Variants in CNTNAP2 observed in about 807,000 individuals in gnomAD.
CNTNAP2 encodes contactin-associated protein-like 2.
A neutral mutation model predicts 155.2 loss-of-function variants in CNTNAP2; 98 were observed. The observed-to-expected ratio is 0.63, with a 90% CI of 0.54 to 0.75. CNTNAP2 has a LOEUF of 0.75. Among genes scored for constraint, CNTNAP2 ranks in the 30% least tolerant of loss-of-function variants. The pLI is 0.00. For synonymous variants in CNTNAP2, 651 were observed against 631.2 expected (o/e 1.03, Z -0.47); for missense variants, 1,727 against 1,688.1 (o/e 1.02, Z -0.40).
intron 10 of CNTNAP2, among the ~76,000 whole-genome samples, chr7:147,457,222 GT>G: frequency 6.6e-6 from 1 of 152,170 alleles, no homozygotes; most frequent in Non-Finnish European, 1.5e-5. Flanking sequence ...AAAAAGTAAT[GT>G]TGGAAGTTGT....
chr7:146,886,405 A>G (rs1243161497), intron 3 of CNTNAP2, among the ~76,000 whole-genome samples: 1 of 152,196 alleles, frequency 6.6e-6, no homozygotes, highest in East Asian at 1.9e-4. Flanking sequence ...CAAAGAAAAA[A>G]ATTGCAGCAC....
chr7:147,837,822 A>T (rs1037546875), intron 13 of CNTNAP2, among the ~76,000 whole-genome samples: 2 of 152,172 alleles, frequency 1.3e-5, no homozygotes, highest in African/African-American at 2.4e-5. Context: ...TCCGGGTCAC[A>T]CTGATGGTGG....
chr7:147,905,754 G>T (rs890855012), intron 14 of CNTNAP2, among the ~76,000 whole-genome samples: 1 of 152,100 alleles, frequency 6.6e-6, no homozygotes, highest in East Asian at 1.9e-4. Context: ...CATGGTGGTG[G>T]GTGCCTGTAA....
chr7:146,835,799 A>G (rs143429654), intron 2 of CNTNAP2, among the ~76,000 whole-genome samples: 3 of 152,248 alleles, frequency 2.0e-5, no homozygotes, highest in African/African-American at 4.8e-5. Context: ...AAGGAATGAA[A>G]CAGAAATTAG....
At chr7:147,249,121 G>T (rs1380288637) in intron 8 of CNTNAP2, among the ~76,000 whole-genome samples, 2 of 152,088 alleles carry the variant, frequency 1.3e-5, no homozygotes, top group Admixed American at 1.3e-4. Flanking sequence ...GCTTGTATAG[G>T]GTTAAGAAAA....
At chr7:146,895,944 G>A (rs1216989716) in intron 3 of CNTNAP2, among the ~76,000 whole-genome samples, 2 of 152,036 alleles carry the variant, frequency 1.3e-5, no homozygotes, top group East Asian at 3.9e-4. Context: ...ATAAAATATT[G>A]CATTTTCTCA....
chr7:147,504,651 G>A (rs1340731962), intron 11 of CNTNAP2, among the ~76,000 whole-genome samples: 1 of 148,900 alleles, frequency 6.7e-6, no homozygotes, highest in Non-Finnish European at 1.5e-5. Flanking sequence ...ATTGCACCAC[G>A]GCTTGGGGTC....
intron 8 of CNTNAP2, among the ~76,000 whole-genome samples, chr7:147,192,483 T>C (rs1802700858): frequency 6.6e-6 from 1 of 152,174 alleles, no homozygotes; most frequent in Non-Finnish European, 1.5e-5. Context: ...ATGCAAATTA[T>C]CTGGCCCCAC....
At chr7:147,391,296 C>T (rs1448774096) in intron 9 of CNTNAP2, among the ~76,000 whole-genome samples, 6 of 152,200 alleles carry the variant, frequency 3.9e-5, no homozygotes, top group African/African-American at 9.6e-5. Flanking sequence ...TGCTGTTTCC[C>T]GGACATGATT....
At chr7:146,865,279 A>G (rs1473648805) in intron 3 of CNTNAP2, among the ~76,000 whole-genome samples, 1 of 152,074 alleles carries the variant, frequency 6.6e-6, no homozygotes, top group African/African-American at 2.4e-5. Flanking sequence ...CTTGTTCACT[A>G]TCTTCAAATT....
intron 21 of CNTNAP2, among the ~76,000 whole-genome samples, chr7:148,380,936 G>A (rs1362556170): frequency 1.3e-5 from 2 of 152,124 alleles, no homozygotes; most frequent in Non-Finnish European, 2.9e-5. Context: ...AAGCACGCAT[G>A]TGAATGAGGC....
At chr7:146,898,946 TG>T (rs1338325091) in intron 3 of CNTNAP2, among the ~76,000 whole-genome samples, 1 of 152,178 alleles carries the variant, frequency 6.6e-6, no homozygotes, top group Non-Finnish European at 1.5e-5. Flanking sequence ...AAGTGATTTT[TG>T]TCAAATTTAC....
chr7:147,115,941 G>A (rs1180956544), intron 5 of CNTNAP2, among the ~76,000 whole-genome samples: 1 of 152,108 alleles, frequency 6.6e-6, no homozygotes, highest in Non-Finnish European at 1.5e-5. Context: ...TCTCATCTTT[G>A]GTGTCTTATC....
At chr7:146,783,538 G>A (rs1802525220) in intron 2 of CNTNAP2, among the ~76,000 whole-genome samples, 1 of 152,166 alleles carries the variant, frequency 6.6e-6, no homozygotes, top group Non-Finnish European at 1.5e-5. Context: ...ATGATAGAAT[G>A]TTGAAAGCAA....
At chr7:146,189,385 A>G (rs1419971055) in intron 1 of CNTNAP2, among the ~76,000 whole-genome samples, 1 of 152,198 alleles carries the variant, frequency 6.6e-6, no homozygotes, top group Non-Finnish European at 1.5e-5. Flanking sequence ...AATAAATTAA[A>G]TAGGTTTCCG....
intron 14 of CNTNAP2, among the ~76,000 whole-genome samples, chr7:147,973,773 C>T (rs1011873501): frequency 5.9e-5 from 9 of 151,998 alleles, no homozygotes; most frequent in Admixed American, 1.3e-4. Flanking sequence ...CTTTTTAAGA[C>T]GAAAAGTCCA....
chr7:147,626,906 C>T (rs1284822069), intron 12 of CNTNAP2, among the ~76,000 whole-genome samples: 1 of 152,212 alleles, frequency 6.6e-6, no homozygotes, highest in Admixed American at 6.5e-5. Flanking sequence ...TGGACTCTCA[C>T]AGAGTCTACC....
chr7:147,215,908 G>A (rs1214969413), intron 8 of CNTNAP2, among the ~76,000 whole-genome samples: 1 of 152,064 alleles, frequency 6.6e-6, no homozygotes, highest in Non-Finnish European at 1.5e-5. Flanking sequence ...ATATCTCATT[G>A]TTGTTTTAAT....
chr7:146,183,872 C>T (rs1798585259), intron 1 of CNTNAP2, among the ~76,000 whole-genome samples: 1 of 152,124 alleles, frequency 6.6e-6, no homozygotes, highest in Non-Finnish European at 1.5e-5. Context: ...CTGACCATTA[C>T]CTCGAGGAAT....
Sources: gnomAD v4.1 joint callset for allele counts (sites outside exome capture counted in the v4.1 genomes callset) on GRCh38, gnomAD v4.1.1 for gene constraint, MANE v1.5 for transcripts, NCBI Gene and HGNC (gene_info 2026-07-23, HGNC 2026-07-21) for gene names.